RBFOX1: variants seen among roughly 807,000 people sequenced by gnomAD.
RBFOX1 encodes RNA binding protein fox-1 homolog 1.
A neutral mutation model predicts 57.7 loss-of-function variants in RBFOX1; 8 were observed. The observed-to-expected ratio is 0.14, with a 90% confidence interval of 0.08 to 0.25. The LOEUF is 0.25. RBFOX1 is among the 10% of genes least tolerant of loss of function. RBFOX1 has a pLI of 1.00. For synonymous variants in RBFOX1, 326 were observed against 222.4 expected, an observed-to-expected ratio of 1.47 and a Z score of -4.15; for missense variants, 611 against 548.5, an observed-to-expected ratio of 1.11 and a Z score of -1.14.
chr16:6,835,213 C>G (rs150916200), intron 3 of RBFOX1, among the ~76,000 whole-genome samples: 141 of 152,156 alleles, frequency 9.3e-4, no homozygotes, highest in African/African-American at 3.3e-3. Flanking sequence ...CCTGACTTCT[C>G]TTGTGAAGAT....
intron 4 of RBFOX1, among the ~76,000 whole-genome samples, chr16:7,111,425 C>G (rs921824008): frequency 6.6e-6 from 1 of 152,124 alleles, no homozygotes; most frequent in Non-Finnish European, 1.5e-5. Flanking sequence ...TTACTTAGCT[C>G]TTTTAATAGC....
At chr16:7,605,460 T>G (rs1037496894) in intron 9 of RBFOX1, among the ~76,000 whole-genome samples, 8 of 152,206 alleles carry the variant, frequency 5.3e-5, no homozygotes, top group Admixed American at 5.2e-4. Flanking sequence ...ATCTCTATTC[T>G]GAGATCATCC....
intron 2 of RBFOX1, among the ~76,000 whole-genome samples, chr16:6,608,396 C>T (rs761718719): frequency 1.3e-5 from 2 of 152,128 alleles, no homozygotes; most frequent in Non-Finnish European, 2.9e-5. Context: ...TATGTTTATA[C>T]ACATTAGTTT....
intron 14 of RBFOX1, among the ~76,000 whole-genome samples, chr16:7,680,102 G>T (rs1221509489): frequency 1.3e-5 from 2 of 152,134 alleles, no homozygotes; most frequent in African/African-American, 4.8e-5. Context: ...GCCACTTGGT[G>T]TTGCTGATGT....
chr16:6,509,955 CA>C (rs1378461946), intron 2 of RBFOX1, among the ~76,000 whole-genome samples: 1 of 152,152 alleles, frequency 6.6e-6, no homozygotes, highest in Non-Finnish European at 1.5e-5. Context: ...GATGTTTACT[CA>C]AAGGCAAATG....
intron 1 of RBFOX1, among the ~76,000 whole-genome samples, chr16:6,213,632 A>C (rs4786836): frequency 0.28 from 42,939 of 152,124 alleles, 7,098 homozygotes; most frequent in Admixed American, 0.39. Context: ...CCTGGGAGTC[A>C]TGAGTCTGTG....
chr16:7,172,618 T>C lies in RBFOX1; in HGVS notation c.27+120520T>C, dbSNP rs148500422. ...ATTGGAGAAAAAAAAAAGAAAACTCTCTCTTACTTACTGGGAACACACATC... is the reference window on the plus strand; with the variant it reads ...ATTGGAGAAAAAAAAAAGAAAACTCCCTCTTACTTACTGGGAACACACATC... On this transcript the variant is annotated intron_variant, in intron 4 of 15. Coordinates refer to ENST00000550418, the MANE Select transcript of RBFOX1 (RefSeq NM_018723.4). 1.8e-4 allele frequency among the ~76,000 whole-genome samples: 28 copies of C among 152,188 alleles called. No individual in the cohort carries two copies. The East Asian group carries it at 5.0e-3, about 27-fold the overall frequency.
chr16:6,988,437 A>G (rs556709472), intron 3 of RBFOX1, among the ~76,000 whole-genome samples: 11 of 152,250 alleles, frequency 7.2e-5, no homozygotes, highest in African/African-American at 1.9e-4. Flanking sequence ...AGTGTTTTAA[A>G]TAGCTCATTG....
chr16:6,382,254 C>T (rs752793266), intron 2 of RBFOX1, among the ~76,000 whole-genome samples: 7 of 152,204 alleles, frequency 4.6e-5, no homozygotes, highest in South Asian at 2.1e-4. Context: ...AGTGGGCCTG[C>T]GGTCTGAAAG....
intron 2 of RBFOX1, among the ~76,000 whole-genome samples, chr16:6,395,187 G>A (rs2092773666): frequency 1.3e-5 from 2 of 152,338 alleles, no homozygotes; most frequent in East Asian, 3.9e-4. Context: ...GACTACAGAA[G>A]AATTGGAATG....
chr16:5,501,253 G>A (rs1567167552), intron 2 of RBFOX1, among the ~76,000 whole-genome samples: 2 of 143,374 alleles, frequency 1.4e-5, no homozygotes, highest in South Asian at 2.2e-4. Context: ...GGGAGGCGGA[G>A]GTTGCAGTGA....
intron 3 of RBFOX1, among the ~76,000 whole-genome samples, chr16:5,767,462 G>A (rs1351944786): frequency 6.6e-6 from 1 of 152,156 alleles, no homozygotes; most frequent in African/African-American, 2.4e-5. Flanking sequence ...ATACCTGAAG[G>A]TAATGTGGAT....
intron 4 of RBFOX1, among the ~76,000 whole-genome samples, chr16:7,074,566 C>G (rs2057961010): frequency 6.6e-6 from 1 of 151,758 alleles, no homozygotes; most frequent in African/African-American, 2.4e-5. Context: ...TGAAAAAAGC[C>G]TCAGTGATTT....
chr16:5,829,510 G>C (rs997380236), intron 3 of RBFOX1, among the ~76,000 whole-genome samples: 1 of 152,072 alleles, frequency 6.6e-6, no homozygotes, highest in African/African-American at 2.4e-5. Context: ...TTTTTATGGA[G>C]GCAGAACCCA....
At chr16:6,314,778 C>T (rs535584830) in intron 1 of RBFOX1, among the ~76,000 whole-genome samples, 11 of 152,260 alleles carry the variant, frequency 7.2e-5, no homozygotes, top group African/African-American at 2.6e-4. Context: ...TTCAGTGAAA[C>T]TACAACTACT....
At chr16:7,054,263 G>C (rs11643071) in intron 4 of RBFOX1, among the ~76,000 whole-genome samples, 35,160 of 74,618 alleles carry the variant, frequency 0.47, 10,292 homozygotes, top group East Asian at 0.7. Context: ...TTTTTTTAGA[G>C]AGAGTCTCTT....
intron 2 of RBFOX1, among the ~76,000 whole-genome samples, chr16:5,545,940 CT>C (rs917604016): frequency 9.9e-5 from 15 of 151,198 alleles, no homozygotes; most frequent in East Asian, 9.7e-4. Flanking sequence ...GATCTAAAAA[CT>C]TTTTTTTTGC....
At chr16:7,099,954 A>C (rs1022794459) in intron 4 of RBFOX1, among the ~76,000 whole-genome samples, 3 of 152,104 alleles carry the variant, frequency 2.0e-5, no homozygotes, top group Non-Finnish European at 4.4e-5. Flanking sequence ...GGAGAGGGGT[A>C]TAATGAGGCA....
chr16:6,101,732 G>T (rs1188270852), intron 1 of RBFOX1, among the ~76,000 whole-genome samples: 3 of 152,148 alleles, frequency 2.0e-5, no homozygotes, highest in Non-Finnish European at 2.9e-5. Context: ...GACCAGCCTG[G>T]CCAACGTGGT....
Sources: gnomAD v4.1 joint callset for allele counts (sites outside exome capture counted in the v4.1 genomes callset) on GRCh38, gnomAD v4.1.1 for gene constraint, MANE v1.5 for transcripts, NCBI Gene and HGNC (gene_info 2026-07-23, HGNC 2026-07-21) for gene names.